The following UBL3 variants were observed in gnomAD, a reference collection of about 807,000 sequenced individuals.
UBL3 encodes ubiquitin like 3.
In UBL3, 6 loss-of-function variants were observed where a neutral mutation model predicts 18.4. The ratio of observed to expected loss-of-function variants is 0.33; its 90% CI spans 0.18 to 0.64. UBL3 has a LOEUF of 0.64. Ranked by LOEUF, UBL3 falls within the 30% of genes least tolerant of loss-of-function variation. UBL3 has a pLI of 0.76. For synonymous variants in UBL3, 49 were observed against 46.6 expected (o/e 1.05, Z -0.21); for missense variants, 109 against 142.9 (o/e 0.76, Z 1.21).
intron 1 of UBL3, chr13:29,777,518 A>T (rs747519849): frequency 1.7e-6 from 1 of 583,556 alleles, no homozygotes; most frequent in Non-Finnish European, 3.3e-6. Flanking sequence ...ACCAAAATTC[A>T]TTACACTTTT....
Position 29,790,198 on chromosome 13 carries a change from T to C in UBL3, c.28-12935A>G, listed in dbSNP as rs183184699. Among the ~76,000 whole-genome samples, 343 of 152,296 alleles carry C rather than the reference T, an allele frequency of 2.3e-3. 2 individuals carry two copies. Among genetic ancestry groups the C allele is most frequent in the African/African-American group, 8.0e-3 (334 of 41,560 alleles). On this transcript the variant is annotated intron_variant, in intron 1 of 4. Coordinates refer to ENST00000380680, the MANE Select transcript of UBL3 (RefSeq NM_007106.4). The stretch of plus-strand genomic sequence containing the variant: ...AAAATCATTAAGTAAAAAGAGAACG[T>C]TATTTAGGAATATAATAATATACAT...
intron 1 of UBL3, among the ~76,000 whole-genome samples, chr13:29,831,025 ATTTTTT>A (rs913266963): frequency 6.7e-6 from 1 of 148,472 alleles, no homozygotes; most frequent in Non-Finnish European, 1.5e-5. Flanking sequence ...ACAATCCAGC[ATTTTTT>A]TTTTCTTTTT....
rs1409113349 is a variant in UBL3, at chr13:29,766,706, G to A, written c.*549C>T. 2 of 152,308 alleles carry A rather than the reference G, an allele frequency of 1.3e-5. No homozygotes were observed. Among genetic ancestry groups the A allele is most frequent in the Admixed American group, 6.6e-5 (1 of 15,260 alleles). 9.4% of individuals were successfully genotyped at this position (152,308 alleles called of 1,614,324 possible). A position where few individuals can be genotyped will look rare whatever the true frequency, so the allele number is the denominator to read the frequency against. ...TATTCTGTGCCAGTGCAGCCACCAC[G>A]GCTGACTTTGGTAGAATTCACCCAA... On this transcript the variant is annotated 3_prime_UTR_variant, in exon 5 of 5. Transcript: ENST00000380680.
At chr13:29,776,261 CTTTTTT>C (rs5741722) in intron 2 of UBL3, among the ~76,000 whole-genome samples, 1 of 91,698 alleles carries the variant, frequency 1.1e-5, no homozygotes, top group Non-Finnish European at 2.1e-5. Context: ...TCTTTTCTTT[CTTTTTT>C]TTTTTTTTTT....
At chr13:29,822,180 C>A (rs910270139) in intron 1 of UBL3, among the ~76,000 whole-genome samples, 5 of 152,148 alleles carry the variant, frequency 3.3e-5, no homozygotes, top group Non-Finnish European at 5.9e-5. Flanking sequence ...TGTAATCACA[C>A]ATTTAGAGAT....
At chr13:29,847,816 C>A (rs1879265661) in intron 1 of UBL3, among the ~76,000 whole-genome samples, 1 of 152,166 alleles carries the variant, frequency 6.6e-6, no homozygotes, top group Admixed American at 6.5e-5. Flanking sequence ...TGTCTAGAGA[C>A]CGCTCCCGGC....
intron 1 of UBL3, among the ~76,000 whole-genome samples, chr13:29,785,400 G>A (rs1877287623): frequency 6.6e-6 from 1 of 151,834 alleles, no homozygotes; most frequent in Admixed American, 6.6e-5. Flanking sequence ...TCGGTCTCTG[G>A]TTATTTTTCT....
intron 1 of UBL3, among the ~76,000 whole-genome samples, chr13:29,825,382 C>T (rs1168511790): frequency 3.3e-5 from 5 of 152,110 alleles, no homozygotes; most frequent in Non-Finnish European, 7.4e-5. Flanking sequence ...TTTCGTTGAG[C>T]AGTGGTTTGT....
At chr13:29,820,912 G>A (rs1457603922) in intron 1 of UBL3, among the ~76,000 whole-genome samples, 1 of 152,110 alleles carries the variant, frequency 6.6e-6, no homozygotes, top group Non-Finnish European at 1.5e-5. Flanking sequence ...AGAATTCTGG[G>A]AATAACAGAC....
intron 1 of UBL3, among the ~76,000 whole-genome samples, chr13:29,803,373 A>AAAC (rs1483472312): frequency 6.6e-6 from 1 of 152,174 alleles, no homozygotes; most frequent in Non-Finnish European, 1.5e-5. Context: ...AGAATGATGC[A>AAAC]AACAAGTCTA....
chr13:29,818,597 T>C (rs1359795067), intron 1 of UBL3, among the ~76,000 whole-genome samples: 1 of 152,186 alleles, frequency 6.6e-6, no homozygotes, highest in African/African-American at 2.4e-5. Flanking sequence ...TTCAAAAAAG[T>C]GTTTGTTTCC....
chr13:29,835,150 AT>A lies in UBL3; in HGVS notation c.27+14361del, dbSNP rs1421903523. On this transcript the variant is annotated intron_variant, in intron 1 of 4. Coordinates refer to ENST00000380680, the MANE Select transcript of UBL3 (RefSeq NM_007106.4). ...AATATATATATATATATATATATAT[AT>A]ATATATATATATATATATATATATA... 9.8e-4 allele frequency among the ~76,000 whole-genome samples: 26 copies of A among 26,522 alleles called. 1 individual carries two copies. The highest frequency in any genetic ancestry group is 1.4e-3 in the Non-Finnish European group (20 of 14,518). The allele number at this position is 26,522 out of a possible 152,430, so 17.4% of individuals were successfully genotyped here. A position where few individuals can be genotyped will look rare whatever the true frequency, so the allele number is the denominator to read the frequency against.
chr13:29,849,268 G>A (rs921315379), intron 1 of UBL3, among the ~76,000 whole-genome samples: 2 of 152,158 alleles, frequency 1.3e-5, no homozygotes, highest in South Asian at 2.1e-4. Flanking sequence ...AAGCTACCAT[G>A]ATACATTTCC....
intron 1 of UBL3, among the ~76,000 whole-genome samples, chr13:29,800,761 G>A (rs752207303): frequency 1.3e-5 from 2 of 152,306 alleles, no homozygotes; most frequent in Non-Finnish European, 1.5e-5. Flanking sequence ...ATTGCCCTAA[G>A]TAACAAACAC....
intron 2 of UBL3, among the ~76,000 whole-genome samples, chr13:29,776,859 G>A (rs1877008636): frequency 2.3e-5 from 2 of 87,624 alleles, no homozygotes; most frequent in South Asian, 9.9e-4. Flanking sequence ...GACATAGCGA[G>A]ACTCCATCTC....
At position 29,849,730 on chromosome 13, in the gene UBL3, CAGG is replaced by C; in HGVS notation, c.-195_-193del. The stretch of plus-strand genomic sequence containing the variant: ...TTCTGGTTCGAAGAGGAACAATCCC[CAGG>C]AGCTGTGTGGCCGGAGCAGGAGGAA... On this transcript the variant is annotated 5_prime_UTR_variant, in exon 1 of 5. Coordinates refer to ENST00000380680, the MANE Select transcript of UBL3 (RefSeq NM_007106.4). 1 of 698,068 alleles carries C rather than the reference CAGG, an allele frequency of 1.4e-6. No individual in the cohort carries two copies. 43.2% of individuals were successfully genotyped at this position (698,068 alleles called of 1,614,324 possible).
intron 1 of UBL3, among the ~76,000 whole-genome samples, chr13:29,799,072 A>T (rs1877689638): frequency 1.3e-5 from 2 of 152,194 alleles, no homozygotes; most frequent in Admixed American, 1.3e-4. Flanking sequence ...CAACCTCAGC[A>T]CAACTGATAT....
intron 3 of UBL3, 77 bp downstream of exon 3, chr13:29,772,035 A>T: frequency 7.9e-7 from 1 of 1,270,936 alleles, no homozygotes; most frequent in Non-Finnish European, 1.1e-6. Flanking sequence ...GCAAATTCAA[A>T]GACATTAACA....
chr13:29,849,214 G>A (rs547873691), intron 1 of UBL3, among the ~76,000 whole-genome samples: 119 of 152,288 alleles, frequency 7.8e-4, no homozygotes, highest in Non-Finnish European at 1.2e-3. Flanking sequence ...TAAAATACTA[G>A]TGTTCGGAGG....
Sources: allele counts gnomAD v4.1 joint callset (sites outside exome capture counted in the v4.1 genomes callset), GRCh38; gene constraint gnomAD v4.1.1; transcripts MANE v1.5; gene names NCBI Gene and HGNC (gene_info 2026-07-23, HGNC 2026-07-21).